TTLL7: variants seen among roughly 807,000 people sequenced by gnomAD.
TTLL7 encodes tubulin polyglutamylase TTLL7.
Under a neutral mutation model 120.2 loss-of-function variants are expected in TTLL7, and 53 were observed. The observed-to-expected ratio is 0.44, with a 90% CI of 0.35 to 0.55. The LOEUF (loss-of-function observed/expected upper bound fraction) is 0.55, where lower values mean the gene tolerates loss of function less well. TTLL7 is among the 20% of genes least tolerant of loss of function. TTLL7 has a pLI of 0.00. For missense variants in TTLL7, 803 were observed against 1,054.7 expected (o/e 0.76, Z 3.31); for synonymous variants, 353 against 351.7 (o/e 1.00, Z -0.04).
intron 1 of TTLL7, among the ~76,000 whole-genome samples, chr1:83,966,816 T>C (rs943485089): frequency 1.3e-5 from 2 of 152,026 alleles, no homozygotes; most frequent in Non-Finnish European, 2.9e-5. Flanking sequence ...TACATACACA[T>C]CAAAATTTGC....
At chr1:83,951,736 C>T in intron 3 of TTLL7, 109 bp downstream of exon 3, 1 of 1,235,198 alleles carries the variant, frequency 8.1e-7, no homozygotes, top group East Asian at 2.6e-5. Flanking sequence ...TTTAAAAATC[C>T]ATTATATAAA....
chr1:83,967,938 G>A (rs1339215039), intron 1 of TTLL7, among the ~76,000 whole-genome samples: 1 of 151,872 alleles, frequency 6.6e-6, no homozygotes, highest in Non-Finnish European at 1.5e-5. Flanking sequence ...TACAAGAAAG[G>A]AAGACACTTT....
In TTLL7 at chr1:83,888,017, G is replaced by A. The variant is rs147771705; in HGVS notation, c.2369+2304C>T. On this transcript the variant is annotated intron_variant, in intron 19 of 20. Coordinates refer to ENST00000260505, the MANE Select transcript of TTLL7 (RefSeq NM_024686.6). ...AGGCAGTATTGTGCCAAGGATAGGA[G>A]AAAAGGATTCTGAATCAAGTTAAAG... 7.2e-3 allele frequency among the ~76,000 whole-genome samples: 1,098 copies of A among 152,042 alleles called. 20 individuals carry two copies. Among genetic ancestry groups the A allele is most frequent in the African/African-American group, 0.025 (1,050 of 41,510 alleles).
intron 1 of TTLL7, among the ~76,000 whole-genome samples, chr1:83,986,257 A>G (rs1652427281): frequency 1.3e-5 from 2 of 152,230 alleles, no homozygotes; most frequent in African/African-American, 4.8e-5. Flanking sequence ...TATATGTATA[A>G]GTATGTGCTG....
rs1487985941 is a variant in TTLL7, at chr1:83,866,407, A to C, written c.*3555T>G. The C allele has an allele frequency of 1.3e-5, 2 of 151,888 alleles. No individual in the cohort carries two copies. The highest frequency in any genetic ancestry group is 4.8e-5 in the African/African-American group (2 of 41,432). The allele number at this position is 151,888 out of a possible 1,614,324, so 9.4% of individuals were successfully genotyped here. A position where few individuals can be genotyped will look rare whatever the true frequency, so the allele number is the denominator to read the frequency against. ...GTTAGATACAAAATTCCATACTCAT[A>C]TATTTTACAAATTAAAAAGACAGTT... On this transcript the variant is annotated 3_prime_UTR_variant, in exon 21 of 21. Coordinates refer to ENST00000260505, the MANE Select transcript of TTLL7 (RefSeq NM_024686.6).
intron 1 of TTLL7, among the ~76,000 whole-genome samples, chr1:83,972,172 T>G (rs182695217): frequency 1.3e-5 from 2 of 152,206 alleles, no homozygotes; most frequent in Admixed American, 1.3e-4. Flanking sequence ...GTGTTGTACA[T>G]TCTATGGGTT....
intron 1 of TTLL7, among the ~76,000 whole-genome samples, chr1:83,975,711 T>C (rs1055308728): frequency 2.0e-5 from 3 of 152,126 alleles, no homozygotes; most frequent in African/African-American, 7.2e-5. Flanking sequence ...GAAACCGTGC[T>C]GAAAAAGAGC....
chr1:83,976,256 C>G (rs1227260324), intron 1 of TTLL7, among the ~76,000 whole-genome samples: 2 of 152,040 alleles, frequency 1.3e-5, no homozygotes, highest in African/African-American at 4.8e-5. Flanking sequence ...CTTGGATTGT[C>G]TTCCTTCTGT....
rs1341411109 is a variant in TTLL7, at chr1:83,868,626, T to C, written c.*1336A>G. ...GAAACTACTGTATTAGAATTTGCAA[T>C]ATAAGTTGATTTCAACCTTGAGAGA... On this transcript the variant is annotated 3_prime_UTR_variant, in exon 21 of 21. Transcript: ENST00000260505. The C allele has an allele frequency of 6.6e-6, 1 of 152,218 alleles. No homozygotes were observed. Among genetic ancestry groups the C allele is most frequent in the Non-Finnish European group, 1.5e-5 (1 of 68,034 alleles). The allele number at this position is 152,218 out of a possible 1,614,324, so 9.4% of individuals were successfully genotyped here. A position where few individuals can be genotyped will look rare whatever the true frequency, so the allele number is the denominator to read the frequency against.
In TTLL7 at chr1:83,917,358, C is replaced by T. The variant is rs527471281; in HGVS notation, c.1587+246G>A. On this transcript the variant is annotated intron_variant, in intron 14 of 20. Coordinates refer to ENST00000260505, the MANE Select transcript of TTLL7 (RefSeq NM_024686.6). ...GAATAAGAGTACTAGCTCTTGGGTCCCTTTTGGCCCTGACTCATGGTCTTT... is the reference window on the plus strand; with the variant it reads ...GAATAAGAGTACTAGCTCTTGGGTCTCTTTTGGCCCTGACTCATGGTCTTT... Among the ~76,000 whole-genome samples, 3 of 152,112 alleles carry T rather than the reference C, an allele frequency of 2.0e-5. No homozygotes were observed. In the East Asian group the frequency reaches 5.8e-4, roughly 29 times the overall value.
intron 1 of TTLL7, among the ~76,000 whole-genome samples, chr1:83,957,866 T>A (rs1271467115): frequency 6.6e-6 from 1 of 152,186 alleles, no homozygotes; most frequent in Non-Finnish European, 1.5e-5. Context: ...GTCTTGAGCC[T>A]TTTTTATCTT....
chr1:83,907,308 T>TA (rs11400600), intron 16 of TTLL7, 148 bp downstream of exon 16: 306,339 of 646,382 alleles, frequency 0.47, 76,660 homozygotes, highest in Non-Finnish European at 0.53. Context: ...AATTGTAGGC[T>TA]AAGGTAGGTG....
chr1:83,981,269 T>A (rs1007178740), intron 1 of TTLL7: 1 of 151,966 alleles, frequency 6.6e-6, no homozygotes, highest in African/African-American at 2.4e-5. Flanking sequence ...TTTTCACACA[T>A]AATGACATAT....
intron 1 of TTLL7, among the ~76,000 whole-genome samples, chr1:83,992,170 G>C (rs1220571803): frequency 6.6e-6 from 1 of 152,038 alleles, no homozygotes; most frequent in Non-Finnish European, 1.5e-5. Flanking sequence ...TTTTTGACAA[G>C]GCTTTTTGCA....
chr1:83,915,527 AC>A (rs1371999875), intron 14 of TTLL7, among the ~76,000 whole-genome samples: 7 of 152,136 alleles, frequency 4.6e-5, no homozygotes, highest in African/African-American at 1.7e-4. Context: ...TAGACCTAAA[AC>A]CATAAAAACC....
At chr1:83,997,737 T>C (rs1240857731) in intron 1 of TTLL7, among the ~76,000 whole-genome samples, 2 of 152,232 alleles carry the variant, frequency 1.3e-5, no homozygotes, top group African/African-American at 4.8e-5. Flanking sequence ...TAAGTAACTA[T>C]TATTACTGTA....
At chr1:83,920,316 T>G (rs1254188018) in intron 12 of TTLL7, among the ~76,000 whole-genome samples, 1 of 151,598 alleles carries the variant, frequency 6.6e-6, no homozygotes, top group Non-Finnish European at 1.5e-5. Flanking sequence ...TATAGGAGAG[T>G]GTTCAGGTAA....
chr1:83,941,905 C>T (rs965223708), intron 7 of TTLL7, among the ~76,000 whole-genome samples: 1 of 152,168 alleles, frequency 6.6e-6, no homozygotes, highest in Middle Eastern at 3.2e-3. Flanking sequence ...GTCTCAACTT[C>T]ACATTGGTCA....
At chr1:83,924,149 C>T (rs1470532273) in intron 10 of TTLL7, among the ~76,000 whole-genome samples, 2 of 152,054 alleles carry the variant, frequency 1.3e-5, no homozygotes, top group Non-Finnish European at 2.9e-5. Flanking sequence ...GGGCCATTAC[C>T]CTCGAGGAGC....
Sources: allele counts gnomAD v4.1 joint callset (sites outside exome capture counted in the v4.1 genomes callset), GRCh38; gene constraint gnomAD v4.1.1; transcripts MANE v1.5; gene names NCBI Gene and HGNC (gene_info 2026-07-23, HGNC 2026-07-21).